The following P2RX7 variants were observed in gnomAD, a reference collection of about 807,000 sequenced individuals.
P2RX7 encodes the protein purinergic receptor P2X 7.
P2RX7 carries 62 observed loss-of-function variants against 71.6 expected under a neutral mutation model. The observed-to-expected ratio is 0.87, with a 90% CI of 0.71 to 1.07. The LOEUF (loss-of-function observed/expected upper bound fraction) is 1.07, where lower values mean the gene tolerates loss of function less well. Among genes scored for constraint, P2RX7 ranks in the 50% least tolerant of loss-of-function variants. The pLI is 0.00. For synonymous variants in P2RX7, 299 were observed against 283.3 expected, an observed-to-expected ratio of 1.06 and a Z score of -0.56; for missense variants, 686 against 748.5, an observed-to-expected ratio of 0.92 and a Z score of 0.97.
chr12:121,167,924 T>C (rs1881441620), intron 8 of P2RX7, among the ~76,000 whole-genome samples: 1 of 151,704 alleles, frequency 6.6e-6, no homozygotes, highest in African/African-American at 2.4e-5. Flanking sequence ...GCGACTCTCC[T>C]GCCTCAGCCT....
At position 121,154,861 on chromosome 12, in the gene P2RX7, A is replaced by T. The variant is rs753893226; in HGVS notation, c.202A>T (p.Ile68Leu). The change falls in exon 2 of 13, where the codon ATA (isoleucine) becomes TTA (leucine). Residue 68 changes from isoleucine (I) to leucine (L), a missense_variant. Transcript: ENST00000328963. The surrounding 1 kb of genome is among the most constrained non-coding windows in gnomAD (Gnocchi z 4.2). ...ISSVHTKVKG[I>L]AEVKEEIVEN... ...TTCTGTGCACACCAAGGTGAAGGGG[A>T]TAGCAGAGGTGAAAGAGGAGATCGT... 2 of 1,614,182 alleles carry T rather than the reference A, an allele frequency of 1.2e-6. No individual in the cohort carries two copies. Among genetic ancestry groups the T allele is most frequent in the African/African-American group, 1.3e-5 (1 of 75,048 alleles).
intron 1 of P2RX7, among the ~76,000 whole-genome samples, chr12:121,139,722 AC>A (rs1156428575): frequency 7.6e-6 from 1 of 131,736 alleles, no homozygotes; most frequent in Non-Finnish European, 1.6e-5. Context: ...GGCCCCTCTG[AC>A]CCTGACCATC....
Position 121,186,145 on chromosome 12 carries a change from C to G in P2RX7, c.*1343C>G, listed in dbSNP as rs1030918881. 5 of 152,506 alleles carry G rather than the reference C, an allele frequency of 3.3e-5. No individual in the cohort carries two copies. Among genetic ancestry groups the G allele is most frequent in the Non-Finnish European group, 7.3e-5 (5 of 68,416 alleles). The allele number at this position is 152,506 out of a possible 1,614,324, so 9.4% of individuals were successfully genotyped here. On this transcript the variant is annotated 3_prime_UTR_variant, in exon 13 of 13. Coordinates refer to ENST00000328963, the MANE Select transcript of P2RX7 (RefSeq NM_002562.6). ...AGCAGTCACGTGGACAGTGCCTGAC[C>G]AGCCCCAGCTTTCAAGCCATCCAAG...
At chr12:121,178,440 C>A (rs1883522681) in intron 11 of P2RX7, among the ~76,000 whole-genome samples, 1 of 152,186 alleles carries the variant, frequency 6.6e-6, no homozygotes, top group Non-Finnish European at 1.5e-5. Flanking sequence ...CTGATGTAGA[C>A]AGATGCTACT....
rs1475267143 is a variant in P2RX7, at chr12:121,166,189, T to C, written c.744+2T>C. 1 of 1,612,138 alleles carries C rather than the reference T, an allele frequency of 6.2e-7. No homozygotes were observed. ...AATTTTTCAGATGTGGCAATTCAGGTTGGTGGTGCTTTGTACACTGGGATG... is the reference window on the plus strand; with the variant it reads ...AATTTTTCAGATGTGGCAATTCAGGCTGGTGGTGCTTTGTACACTGGGATG... On this transcript the variant is annotated splice_donor_variant, in intron 7 of 12. Transcript: ENST00000328963. LOFTEE classifies it high-confidence loss of function.
intron 11 of P2RX7, 133 bp downstream of exon 11, chr12:121,177,579 A>G: frequency 1.2e-6 from 1 of 839,984 alleles, no homozygotes; most frequent in Middle Eastern, 3.7e-4. Flanking sequence ...TACCCCGATC[A>G]ACCAACTCTC....
chr12:121,177,554 T>A, intron 11 of P2RX7, 108 bp downstream of exon 11: 1 of 1,093,012 alleles, frequency 9.1e-7, no homozygotes, highest in Non-Finnish European at 1.4e-6. Flanking sequence ...CTGTAGTGGA[T>A]ACGTCGCTGG....
rs1872753646 is a variant in P2RX7, at chr12:121,133,042, G to T, written c.72G>T (p.Met24Ile). Residue 24 changes from methionine to isoleucine, a missense_variant, in exon 1 of 13, where the codon ATG (methionine) becomes ATT (isoleucine). Met to Ile is a conservative substitution (Grantham distance 10). Transcript: ENST00000328963. ...ACAAAGTCACTCGGATCCAGAGCAT[G>T]AATTATGGCACCATTAAGTGGTTCT... is the stretch of plus-strand genomic sequence containing the variant. ...ETNKVTRIQS[M>I]NYGTIKWFFH... is the part of the protein sequence containing the mutation. 6.2e-7 allele frequency: 1 copy of T among 1,614,024 alleles called. No individual in the cohort carries two copies.
intron 8 of P2RX7, among the ~76,000 whole-genome samples, chr12:121,171,434 G>A (rs552218022): frequency 3.4e-5 from 5 of 146,278 alleles, no homozygotes; most frequent in South Asian, 2.2e-4. Flanking sequence ...GCGTAATTTC[G>A]GGTCACTGCA....
rs201296551 is a variant in P2RX7, at chr12:121,160,995, C to T, written c.436+21C>T. 3.2e-5 allele frequency: 51 copies of T among 1,594,766 alleles called. No homozygotes were observed. The Middle Eastern group carries it at 6.7e-4, about 21-fold the overall frequency. ...CAAAGGTACCTTCTGTTTCTTTTCC[C>T]GAGACCCTAGGGGTGGATGGTCTGG... On this transcript the variant is annotated intron_variant, in intron 4 of 12. Coordinates refer to ENST00000328963, the MANE Select transcript of P2RX7 (RefSeq NM_002562.6).
chr12:121,141,145 A>G (rs1874760055), intron 1 of P2RX7, among the ~76,000 whole-genome samples: 1 of 152,220 alleles, frequency 6.6e-6, no homozygotes, highest in South Asian at 2.1e-4. Context: ...CCTGCCTACT[A>G]CCATCTATCC....
chr12:121,171,854 C>A (rs1565968885), intron 8 of P2RX7, among the ~76,000 whole-genome samples: 1 of 139,408 alleles, frequency 7.2e-6, no homozygotes, highest in African/African-American at 2.7e-5. Context: ...CCAAGTGATT[C>A]TTTCTTTCTT....
chr12:121,162,450 T>C lies in P2RX7; in HGVS notation c.463T>C (p.Tyr155His), dbSNP rs208294. The C allele has an allele frequency of 0.55, 889,785 of 1,613,226 alleles. 249,150 individuals carry two copies. Among genetic ancestry groups the C allele is most frequent in the African/African-American group, 0.7 (52,468 of 74,940 alleles). ...KGIQTGRCVV[Y>H]EGNQKTCEVS... Reference sequence around the variant, plus strand: ...AATTCAGACCGGAAGGTGTGTAGTGTATGAAGGGAACCAGAAGACCTGTGA... The same window carrying C: ...AATTCAGACCGGAAGGTGTGTAGTGCATGAAGGGAACCAGAAGACCTGTGA... The change falls in exon 5 of 13, where the codon TAT becomes CAT. Residue 155 changes from tyrosine to histidine, a missense_variant. Tyr to His is a moderately conservative substitution (Grantham distance 83). Transcript: ENST00000328963.
chr12:121,136,023 A>AAATAT, intron 1 of P2RX7, among the ~76,000 whole-genome samples: 40 of 15,262 alleles, frequency 2.6e-3, no homozygotes, highest in South Asian at 5.4e-3. Flanking sequence ...AAAAAAAAAA[A>AAATAT]ATATATATAT....
chr12:121,145,072 C>T (rs1421765394), intron 1 of P2RX7, among the ~76,000 whole-genome samples: 1 of 152,092 alleles, frequency 6.6e-6, no homozygotes, highest in African/African-American at 2.4e-5. Context: ...AGCATATAGA[C>T]GGCAACCAGA....
chr12:121,169,988 C>T (rs985739666), intron 8 of P2RX7, among the ~76,000 whole-genome samples: 8 of 152,102 alleles, frequency 5.3e-5, no homozygotes, highest in Non-Finnish European at 1.0e-4. Flanking sequence ...TCACTGTCCC[C>T]GCCACTCCTT....
intron 1 of P2RX7, among the ~76,000 whole-genome samples, chr12:121,145,353 T>C (rs142681350): frequency 1.1e-3 from 170 of 152,174 alleles, no homozygotes; most frequent in African/African-American, 3.9e-3. Flanking sequence ...CCATGGTGTA[T>C]CTATTGGATT....
chr12:121,141,686 C>T (rs1349997412), intron 1 of P2RX7, among the ~76,000 whole-genome samples: 1 of 152,172 alleles, frequency 6.6e-6, no homozygotes, highest in Non-Finnish European at 1.5e-5. Context: ...TGAAATATAA[C>T]ACCTACTGAG....
intron 1 of P2RX7, among the ~76,000 whole-genome samples, chr12:121,136,379 CATT>C (rs1873666005): frequency 6.6e-6 from 1 of 151,700 alleles, no homozygotes; most frequent in Non-Finnish European, 1.5e-5. Context: ...AGTGCAGTGT[CATT>C]ATCACAGCTC....
Sources: gnomAD v4.1 joint callset for allele counts (sites outside exome capture counted in the v4.1 genomes callset) on GRCh38, gnomAD v4.1.1 for gene constraint, Gnocchi (gnomAD v3.1) non-coding constraint, MANE v1.5 for transcripts, NCBI Gene and HGNC (gene_info 2026-07-23, HGNC 2026-07-21) for gene names.